CSMD1: variants seen among roughly 807,000 people sequenced by gnomAD.
The protein encoded by CSMD1 is CUB and Sushi multiple domains 1.
CSMD1 carries 213 observed loss-of-function variants against 417.5 expected under a neutral mutation model. The ratio of observed to expected loss-of-function variants is 0.51; its 90% CI spans 0.46 to 0.57. The LOEUF (loss-of-function observed/expected upper bound fraction) is 0.57, where lower values mean the gene tolerates loss of function less well. Among genes scored for constraint, CSMD1 ranks in the 20% least tolerant of loss-of-function variants. CSMD1 has a pLI of 0.00. For missense variants in CSMD1, 6,923 were observed against 4,529.7 expected, an observed-to-expected ratio of 1.53 and a Z score of -15.17; for synonymous variants, 2,862 against 1,736.8, an observed-to-expected ratio of 1.65 and a Z score of -16.11.
intron 7 of CSMD1, among the ~76,000 whole-genome samples, chr8:3,674,532 ATAT>A (rs1333179090): frequency 6.6e-6 from 1 of 152,060 alleles, no homozygotes; most frequent in African/African-American, 2.4e-5. Context: ...TAATTTAACA[ATAT>A]TATTAATTAA....
intron 46 of CSMD1, 27 bp from the exon 47 acceptor site, chr8:3,097,064 T>G (rs898226690): frequency 4.7e-6 from 7 of 1,486,514 alleles, no homozygotes; most frequent in Non-Finnish European, 6.3e-6. Flanking sequence ...CAGCAAAAGT[T>G]TGCTTTAATA....
At position 4,460,202 on chromosome 8, in the gene CSMD1, T is replaced by C. The variant is rs73660865; in HGVS notation, c.303-40137A>G. 3.5e-3 allele frequency among the ~76,000 whole-genome samples: 528 copies of C among 152,160 alleles called. 3 individuals are homozygous for C. The highest frequency in any genetic ancestry group is 0.012 in the African/African-American group (506 of 41,508). The stretch of plus-strand genomic sequence containing the variant: ...TGCAAGAAAATTAGAATTTGAGAAA[T>C]AATAGAATACGTGGAAGTTAAAAAA... On this transcript the variant is annotated intron_variant, in intron 2 of 69. Coordinates refer to ENST00000635120, the MANE Select transcript of CSMD1 (RefSeq NM_033225.6).
chr8:4,609,281 GT>G lies in CSMD1; in HGVS notation c.302+28060del, dbSNP rs1315548628. Among the ~76,000 whole-genome samples, 4 of 152,182 alleles carry G rather than the reference GT, an allele frequency of 2.6e-5. No individual in the cohort carries two copies. In the South Asian group the frequency reaches 8.3e-4, roughly 32 times the overall value. On this transcript the variant is annotated intron_variant, in intron 2 of 69. Coordinates refer to ENST00000635120, the MANE Select transcript of CSMD1 (RefSeq NM_033225.6). ...CTGGGCATGCTGGTGTGTGCCTTTG[GT>G]CCCAGCTACTCAGGAGGCTGAGGTG...
intron 7 of CSMD1, among the ~76,000 whole-genome samples, chr8:3,640,088 G>C (rs13272472): frequency 0.5 from 75,161 of 151,614 alleles, 18,836 homozygotes; most frequent in Middle Eastern, 0.64. Context: ...TTTAAAAATT[G>C]AAGGCTCTCC....
At chr8:4,585,346 T>C (rs1028074337) in intron 2 of CSMD1, among the ~76,000 whole-genome samples, 10 of 152,038 alleles carry the variant, frequency 6.6e-5, no homozygotes, top group African/African-American at 2.4e-4. Context: ...GAAAAGAGGA[T>C]TAGAGAACTA....
intron 5 of CSMD1, among the ~76,000 whole-genome samples, chr8:3,791,459 G>A (rs112342879): frequency 6.6e-6 from 1 of 152,308 alleles, no homozygotes; most frequent in African/African-American, 2.4e-5. Context: ...CTGATACGTA[G>A]CTTGTAATAC....
chr8:3,828,221 A>T (rs1222873335), intron 5 of CSMD1, among the ~76,000 whole-genome samples: 1 of 152,046 alleles, frequency 6.6e-6, no homozygotes, highest in Non-Finnish European at 1.5e-5. Context: ...TAGAAAAGAC[A>T]CTCTTATTAT....
intron 7 of CSMD1, among the ~76,000 whole-genome samples, chr8:3,659,654 A>T (rs1798310837): frequency 6.6e-6 from 1 of 152,202 alleles, no homozygotes; most frequent in African/African-American, 2.4e-5. Context: ...AAAGCAGATA[A>T]CAAGAAAATA....
intron 3 of CSMD1, among the ~76,000 whole-genome samples, chr8:4,065,918 G>C (rs185155773): frequency 6.6e-6 from 1 of 152,216 alleles, no homozygotes; most frequent in East Asian, 1.9e-4. Context: ...GTGGCCCAGG[G>C]AAAAATGAGA....
chr8:3,318,382 C>G (rs928165212), intron 23 of CSMD1, among the ~76,000 whole-genome samples: 54 of 152,292 alleles, frequency 3.5e-4, no homozygotes, highest in African/African-American at 1.2e-3. Flanking sequence ...AATGCAATCA[C>G]TTAGCATATG....
intron 1 of CSMD1, among the ~76,000 whole-genome samples, chr8:4,761,409 T>C (rs1284069368): frequency 1.3e-5 from 2 of 152,160 alleles, no homozygotes; most frequent in East Asian, 1.9e-4. Context: ...CACACATATA[T>C]ATACACACAA....
chr8:4,176,897 G>A (rs547286063), intron 3 of CSMD1, among the ~76,000 whole-genome samples: 1 of 148,706 alleles, frequency 6.7e-6, no homozygotes, highest in Non-Finnish European at 1.5e-5. Flanking sequence ...AAATATATAT[G>A]CACCCAATAC....
At chr8:4,051,272 A>C (rs1798410372) in intron 3 of CSMD1, among the ~76,000 whole-genome samples, 2 of 151,234 alleles carry the variant, frequency 1.3e-5, no homozygotes, top group Admixed American at 1.3e-4. Flanking sequence ...CAGTTTTACA[A>C]AGCCTGCACA....
At chr8:4,096,349 T>C (rs1469468287) in intron 3 of CSMD1, among the ~76,000 whole-genome samples, 1 of 152,104 alleles carries the variant, frequency 6.6e-6, no homozygotes, top group Non-Finnish European at 1.5e-5. Context: ...ACAGCTTGGA[T>C]TTCCATATGG....
At chr8:4,116,764 G>A (rs776925870) in intron 3 of CSMD1, among the ~76,000 whole-genome samples, 10 of 151,972 alleles carry the variant, frequency 6.6e-5, no homozygotes, top group Non-Finnish European at 1.3e-4. Context: ...AGGGGGTGCG[G>A]GAAACTCTAT....
intron 3 of CSMD1, among the ~76,000 whole-genome samples, chr8:4,358,552 A>C (rs1327633681): frequency 2.0e-5 from 3 of 152,210 alleles, no homozygotes; most frequent in Non-Finnish European, 4.4e-5. Context: ...GGCCTACAAA[A>C]CTTAAAATAT....
chr8:3,490,990 T>C (rs1056488339), intron 11 of CSMD1, among the ~76,000 whole-genome samples: 5 of 152,120 alleles, frequency 3.3e-5, no homozygotes, highest in Admixed American at 6.5e-5. Context: ...GGGGGGATAA[T>C]TGGAGAAACG....
intron 5 of CSMD1, among the ~76,000 whole-genome samples, chr8:3,902,508 T>A (rs890408341): frequency 2.0e-4 from 31 of 152,128 alleles, no homozygotes; most frequent in African/African-American, 6.5e-4. Context: ...AACTTCCACC[T>A]GAGATCATCA....
At position 4,421,409 on chromosome 8, in the gene CSMD1, T is replaced by C. The variant is rs551368208; in HGVS notation, c.303-1344A>G. Among the ~76,000 whole-genome samples, 8 of 152,118 alleles carry C rather than the reference T, an allele frequency of 5.3e-5. No homozygotes were observed. The South Asian group carries it at 1.5e-3, about 28-fold the overall frequency. ...TTCTTTCAGGTGCCCACAGAACATA[T>C]ACCAAGATAAACCATATTCGAGGCC... On this transcript the variant is annotated intron_variant, in intron 2 of 69. Coordinates refer to ENST00000635120, the MANE Select transcript of CSMD1 (RefSeq NM_033225.6).
Sources: gnomAD v4.1 joint callset for allele counts (sites outside exome capture counted in the v4.1 genomes callset) on GRCh38, gnomAD v4.1.1 for gene constraint, MANE v1.5 for transcripts, NCBI Gene and HGNC (gene_info 2026-07-23, HGNC 2026-07-21) for gene names.